The following EPHA6 variants were observed in gnomAD, a reference collection of about 807,000 sequenced individuals.
EPHA6 encodes ephrin type-A receptor 6.
EPHA6 carries 50 observed loss-of-function variants against 112.0 expected under a neutral mutation model. The ratio of observed to expected loss-of-function variants is 0.45; its 90% CI spans 0.36 to 0.56. The LOEUF (loss-of-function observed/expected upper bound fraction) is 0.56. Among genes scored for constraint, EPHA6 ranks in the 20% least tolerant of loss-of-function variants. EPHA6 has a pLI of 0.00. For synonymous variants in EPHA6, 529 were observed against 490.7 expected (o/e 1.08, Z -1.03); for missense variants, 1,280 against 1,417.4 (o/e 0.90, Z 1.56).
intron 12 of EPHA6, among the ~76,000 whole-genome samples, chr3:97,607,997 T>C (rs1317734854): frequency 6.6e-6 from 1 of 151,096 alleles, no homozygotes; most frequent in African/African-American, 2.4e-5. Context: ...AATGTAATCA[T>C]GGATTGTAAA....
At chr3:97,323,320 G>A (rs762130911) in intron 5 of EPHA6, among the ~76,000 whole-genome samples, 7 of 151,284 alleles carry the variant, frequency 4.6e-5, no homozygotes, top group Non-Finnish European at 1.0e-4. Flanking sequence ...GTAAATACAA[G>A]GTAGGAAAAA....
intron 2 of EPHA6, among the ~76,000 whole-genome samples, chr3:96,911,451 A>G (rs548603541): frequency 4.1e-4 from 62 of 152,200 alleles, no homozygotes; most frequent in African/African-American, 1.3e-3. Context: ...TTAGGTAGAT[A>G]TAGTAAAATA....
intron 2 of EPHA6, among the ~76,000 whole-genome samples, chr3:96,912,240 T>C (rs1366420496): frequency 6.6e-6 from 1 of 152,150 alleles, no homozygotes; most frequent in East Asian, 1.9e-4. Flanking sequence ...ATGCTGTAAA[T>C]GTGGTCGAAT....
At chr3:96,889,960 T>C (rs989510295) in intron 2 of EPHA6, among the ~76,000 whole-genome samples, 1 of 152,094 alleles carries the variant, frequency 6.6e-6, no homozygotes, top group African/African-American at 2.4e-5. Context: ...GCTTGCAGGA[T>C]ATCCACATTG....
At chr3:97,061,216 G>T (rs939957748) in intron 3 of EPHA6, among the ~76,000 whole-genome samples, 2 of 152,158 alleles carry the variant, frequency 1.3e-5, no homozygotes, top group Non-Finnish European at 2.9e-5. Context: ...CCTGGAGGTG[G>T]ACATGAATTG....
At chr3:97,665,966 A>G (rs1430071883) in intron 14 of EPHA6, among the ~76,000 whole-genome samples, 1 of 152,094 alleles carries the variant, frequency 6.6e-6, no homozygotes, top group Non-Finnish European at 1.5e-5. Flanking sequence ...CTGAGGCAGC[A>G]GAATCACTTG....
intron 3 of EPHA6, among the ~76,000 whole-genome samples, chr3:97,127,796 A>G (rs570460067): frequency 6.6e-6 from 1 of 151,768 alleles, no homozygotes; most frequent in East Asian, 1.9e-4. Flanking sequence ...ATATTTGGAC[A>G]TAGTGTATCC....
intron 5 of EPHA6, among the ~76,000 whole-genome samples, chr3:97,394,554 G>A (rs1267446639): frequency 6.6e-6 from 1 of 151,746 alleles, no homozygotes; most frequent in South Asian, 2.1e-4. Flanking sequence ...ATTATATAAG[G>A]AGCTCAACTC....
At chr3:97,192,576 T>A (rs576511594) in intron 3 of EPHA6, among the ~76,000 whole-genome samples, 18 of 152,310 alleles carry the variant, frequency 1.2e-4, no homozygotes, top group African/African-American at 4.3e-4. Context: ...TTCTGTGGGT[T>A]GTCTCTTCAC....
intron 4 of EPHA6, among the ~76,000 whole-genome samples, chr3:97,240,133 A>C (rs2078801082): frequency 6.6e-6 from 1 of 151,838 alleles, no homozygotes; most frequent in Non-Finnish European, 1.5e-5. Context: ...ATATAGATAG[A>C]GAAAGAAGTG....
chr3:97,067,891 C>G (rs1300919435), intron 3 of EPHA6, among the ~76,000 whole-genome samples: 1 of 151,844 alleles, frequency 6.6e-6, no homozygotes, highest in African/African-American at 2.4e-5. Flanking sequence ...TCCTGTAATC[C>G]CAACACTTTG....
At chr3:97,171,403 TA>T (rs534735550) in intron 3 of EPHA6, among the ~76,000 whole-genome samples, 6 of 152,086 alleles carry the variant, frequency 3.9e-5, no homozygotes, top group African/African-American at 1.2e-4. Context: ...TGGTAGAATC[TA>T]GGGGGGAGGA....
intron 13 of EPHA6, among the ~76,000 whole-genome samples, chr3:97,625,214 G>A (rs1376646946): frequency 2.0e-5 from 3 of 151,540 alleles, no homozygotes; most frequent in Non-Finnish European, 4.4e-5. Context: ...CTTTGGACGT[G>A]TGTCCTACAA....
intron 10 of EPHA6, among the ~76,000 whole-genome samples, chr3:97,531,354 C>T (rs1375685470): frequency 6.6e-6 from 1 of 151,880 alleles, no homozygotes; most frequent in African/African-American, 2.4e-5. Flanking sequence ...CCACAATAAC[C>T]CCTTCTGTCT....
chr3:97,730,467 T>G (rs1425461786), intron 15 of EPHA6, among the ~76,000 whole-genome samples: 2 of 152,142 alleles, frequency 1.3e-5, no homozygotes, highest in Non-Finnish European at 2.9e-5. Flanking sequence ...TTTAATTTTC[T>G]TCTTACATTA....
At chr3:97,716,812 T>C (rs114746602) in intron 14 of EPHA6, among the ~76,000 whole-genome samples, 37 of 152,334 alleles carry the variant, frequency 2.4e-4, no homozygotes, top group Non-Finnish European at 5.0e-4. Flanking sequence ...ATCAGGTTCA[T>C]ATTATCATGC....
chr3:97,102,672 G>A (rs1357546545), intron 3 of EPHA6, among the ~76,000 whole-genome samples: 10 of 152,002 alleles, frequency 6.6e-5, no homozygotes, highest in Admixed American at 6.6e-4. Context: ...TGGTAGTTCT[G>A]TTTTTAGCTT....
chr3:97,320,334 A>AT lies in EPHA6; in HGVS notation c.1606+76057dup, dbSNP rs372415519. On this transcript the variant is annotated intron_variant, in intron 5 of 17. Coordinates refer to ENST00000389672, the MANE Select transcript of EPHA6 (RefSeq NM_001080448.3). ...TAAGGAATGAAAAATTTATATGTTT[A>AT]TTTTTTTTTTCCTTTCTGTGTGGTA... 5.0e-3 allele frequency among the ~76,000 whole-genome samples: 749 copies of AT among 149,768 alleles called. 14 individuals carry two copies. The highest frequency in any genetic ancestry group is 0.016 in the African/African-American group (636 of 40,800).
At chr3:96,891,233 A>G (rs1312340833) in intron 2 of EPHA6, among the ~76,000 whole-genome samples, 2 of 152,216 alleles carry the variant, frequency 1.3e-5, no homozygotes, top group Non-Finnish European at 2.9e-5. Flanking sequence ...TTGTCTAGGC[A>G]TAAAAATACT....
Sources: gnomAD v4.1 joint callset for allele counts (sites outside exome capture counted in the v4.1 genomes callset) on GRCh38, gnomAD v4.1.1 for gene constraint, MANE v1.5 for transcripts, NCBI Gene and HGNC (gene_info 2026-07-23, HGNC 2026-07-21) for gene names.